MICAL2: variants seen among roughly 807,000 people sequenced by gnomAD.
MICAL2 encodes the protein microtubule associated monooxygenase, calponin and LIM domain containing 2.
In MICAL2, 77 loss-of-function variants were observed where a neutral mutation model predicts 127.3. That is an observed-to-expected ratio of 0.60 (90% CI 0.50 to 0.73). MICAL2 has a LOEUF of 0.73. Ranked by LOEUF, MICAL2 falls within the 30% of genes least tolerant of loss-of-function variation. The pLI is 0.00. For missense variants in MICAL2, 1,351 were observed against 1,434.4 expected, an observed-to-expected ratio of 0.94 and a Z score of 0.94; for synonymous variants, 570 against 551.1, an observed-to-expected ratio of 1.03 and a Z score of -0.48.
At chr11:12,324,770 A>G (rs1356689555) in intron 31 of MICAL2, among the ~76,000 whole-genome samples, 1 of 152,102 alleles carries the variant, frequency 6.6e-6, no homozygotes, top group Non-Finnish European at 1.5e-5. Context: ...AATCCTATAC[A>G]CTATTTCTGA....
chr11:12,208,781 G>A (rs1466459753), intron 5 of MICAL2, among the ~76,000 whole-genome samples: 2 of 152,184 alleles, frequency 1.3e-5, no homozygotes, highest in African/African-American at 2.4e-5. Context: ...AGTATCTACC[G>A]CCTGGGAAGG....
intron 32 of MICAL2, among the ~76,000 whole-genome samples, chr11:12,337,408 C>G (rs1414342892): frequency 6.6e-6 from 1 of 152,158 alleles, no homozygotes; most frequent in African/African-American, 2.4e-5. Flanking sequence ...AAACCAGCTC[C>G]TGGATTCATT....
intron 32 of MICAL2, among the ~76,000 whole-genome samples, chr11:12,345,203 C>T (rs988903418): frequency 6.6e-6 from 1 of 152,084 alleles, no homozygotes; most frequent in African/African-American, 2.4e-5. Flanking sequence ...ACTCGTGTTT[C>T]GTGAGAAGCT....
chr11:12,278,793 T>C (rs1863744888), intron 1 of MICAL2, among the ~76,000 whole-genome samples: 1 of 152,122 alleles, frequency 6.6e-6, no homozygotes, highest in Admixed American at 6.6e-5. Context: ...ACTGAATGGC[T>C]GGTATGGTCA....
chr11:12,130,410 A>G (rs1162719275), intron 1 of MICAL2, among the ~76,000 whole-genome samples: 1 of 152,100 alleles, frequency 6.6e-6, no homozygotes, highest in Non-Finnish European at 1.5e-5. Context: ...GAGGGATGGG[A>G]TGGGGAGTAC....
At chr11:12,174,896 A>G (rs1439344806) in intron 3 of MICAL2, among the ~76,000 whole-genome samples, 1 of 152,174 alleles carries the variant, frequency 6.6e-6, no homozygotes, top group Non-Finnish European at 1.5e-5. Flanking sequence ...CAAGGTGAGT[A>G]GATTGCTTTA....
chr11:12,349,064 C>T (rs560881084), intron 32 of MICAL2, among the ~76,000 whole-genome samples: 1 of 152,226 alleles, frequency 6.6e-6, no homozygotes, highest in East Asian at 1.9e-4. Flanking sequence ...AGGATAAATC[C>T]TTCTAGGATG....
At chr11:12,331,079 C>T (rs1377342664) in intron 32 of MICAL2, among the ~76,000 whole-genome samples, 2 of 152,114 alleles carry the variant, frequency 1.3e-5, no homozygotes, top group Non-Finnish European at 2.9e-5. Flanking sequence ...CCAAGCCCAG[C>T]TCTGCAGCCA....
At chr11:12,240,495 C>T (rs1590571991) in intron 17 of MICAL2, among the ~76,000 whole-genome samples, 1 of 152,172 alleles carries the variant, frequency 6.6e-6, no homozygotes, top group South Asian at 2.1e-4. Context: ...GGAGAACTGA[C>T]CTTCTCCAGG....
intron 15 of MICAL2, among the ~76,000 whole-genome samples, chr11:12,230,994 C>A (rs1590501432): frequency 1.3e-5 from 2 of 152,288 alleles, no homozygotes. Flanking sequence ...ATCTAAAAGC[C>A]TCATGGCATG....
intron 15 of MICAL2, among the ~76,000 whole-genome samples, chr11:12,233,642 G>A (rs368041700): frequency 1.2e-4 from 18 of 152,154 alleles, no homozygotes; most frequent in African/African-American, 4.3e-4. Flanking sequence ...ATGCCTTTTG[G>A]TATATAGACT....
At chr11:12,302,365 G>GTA (rs1437996115) in intron 29 of MICAL2, among the ~76,000 whole-genome samples, 2 of 152,200 alleles carry the variant, frequency 1.3e-5, no homozygotes, top group Non-Finnish European at 2.9e-5. Flanking sequence ...TTGTACCAAT[G>GTA]TATATACTCT....
chr11:12,252,642 G>C (rs1190504949), intron 22 of MICAL2: 1 of 152,252 alleles, frequency 6.6e-6, no homozygotes, highest in Admixed American at 6.5e-5. Context: ...GCTTTCGCTG[G>C]AAGCCAGTGA....
At chr11:12,289,662 A>G (rs147021540), downstream of MICAL2, among the ~76,000 whole-genome samples, 2,834 of 147,268 alleles carry the variant, frequency 0.019, 73 homozygotes, top group East Asian at 0.14. Flanking sequence ...TCCGCCTCCC[A>G]GGTTCAAGTG....
At chr11:12,358,220 C>A in intron 34 of MICAL2, 1 of 1,424,358 alleles carries the variant, frequency 7.0e-7, no homozygotes, top group Non-Finnish European at 9.6e-7. Context: ...CCATAACAAT[C>A]GAGAATGTCC....
At chr11:12,166,836 T>C (rs11022215) in intron 3 of MICAL2, among the ~76,000 whole-genome samples, 10,552 of 152,160 alleles carry the variant, frequency 0.069, 392 homozygotes, top group African/African-American at 0.095. Flanking sequence ...GGAGGTTTAA[T>C]GTGGGGCTTG....
chr11:12,126,972 C>G (rs1201092066), intron 1 of MICAL2, among the ~76,000 whole-genome samples: 1 of 152,092 alleles, frequency 6.6e-6, no homozygotes, highest in African/African-American at 2.4e-5. Flanking sequence ...AAGAGAGCAT[C>G]TCTAGTGGGT....
chr11:12,242,859 C>A, intron 20 of MICAL2, 87 bp downstream of exon 20: 2 of 858,508 alleles, frequency 2.3e-6, no homozygotes, highest in Non-Finnish European at 3.6e-6. Context: ...GCTCAATTTT[C>A]TCCTCCTTCC....
intron 26 of MICAL2, 79 bp downstream of exon 26, chr11:12,259,976 G>A (rs996859882): frequency 1.5e-5 from 24 of 1,570,546 alleles, no homozygotes; most frequent in Non-Finnish European, 2.1e-5. Context: ...TGGATGCAGG[G>A]ACTCCTGCAA....
Sources: gnomAD v4.1 joint callset for allele counts (sites outside exome capture counted in the v4.1 genomes callset) on GRCh38, gnomAD v4.1.1 for gene constraint, MANE v1.5 for transcripts, NCBI Gene and HGNC (gene_info 2026-07-23, HGNC 2026-07-21) for gene names.